MAP1S: variants seen among roughly 807,000 people sequenced by gnomAD.
MAP1S encodes the protein microtubule-associated protein 1S.
MAP1S carries 27 observed loss-of-function variants against 60.9 expected under a neutral mutation model. That is an observed-to-expected ratio of 0.44 (90% CI 0.33 to 0.61). The LOEUF is 0.61. Ranked by LOEUF, MAP1S falls within the 20% of genes least tolerant of loss-of-function variation. MAP1S has a pLI of 0.03. For missense variants in MAP1S, 1,608 were observed against 1,486.6 expected, an observed-to-expected ratio of 1.08 and a Z score of -1.34; for synonymous variants, 826 against 694.2, an observed-to-expected ratio of 1.19 and a Z score of -2.98.
intron 2 of MAP1S, among the ~76,000 whole-genome samples, chr19:17,723,678 G>A (rs1209157785): frequency 6.6e-6 from 1 of 152,126 alleles, no homozygotes; most frequent in Admixed American, 6.6e-5. Context: ...GTGAAACCCT[G>A]TCTCTACTAA....
At chr19:17,731,868 T>C (rs2080496140) in intron 5 of MAP1S, among the ~76,000 whole-genome samples, 1 of 152,170 alleles carries the variant, frequency 6.6e-6, no homozygotes, top group Non-Finnish European at 1.5e-5. Context: ...GGTTTCGCCA[T>C]GTTGGCTAGG....
chr19:17,720,333 A>G, intron 1 of MAP1S: 2 of 1,506,312 alleles, frequency 1.3e-6, no homozygotes. Flanking sequence ...CATGTGCTTG[A>G]GGAGTGTTTA....
intron 1 of MAP1S, chr19:17,720,052 T>G: frequency 1.0e-6 from 1 of 991,706 alleles, no homozygotes; most frequent in Non-Finnish European, 1.2e-6. Context: ...TGGGGGAGGC[T>G]GGGCCTGGAG....
At chr19:17,720,286 T>C in intron 1 of MAP1S, 11 of 1,423,946 alleles carry the variant, frequency 7.7e-6, no homozygotes, top group Non-Finnish European at 1.0e-5. Flanking sequence ...TGGCGTTTCA[T>C]TGCATGTAAA....
chr19:17,734,176 C>T (rs2080518072), intron 6 of MAP1S, 97 bp from the exon 7 acceptor site: 1 of 1,037,298 alleles, frequency 9.6e-7, no homozygotes, highest in Admixed American at 2.3e-5. Context: ...TCTCAAATGC[C>T]AGGAAAGGAA....
Position 17,719,523 on chromosome 19 carries a change from T to A in MAP1S, c.21T>A (p.Ser7=). ...CGAAGATGGCGGCGGTGGCTGGATC[T>A]GGGGCTGCCGCGGCTCCGAGCTCAC... MAAVAG[S]GAAAAPSSLL... is the part of the protein sequence containing the mutation. The change falls in exon 1 of 7, where the codon TCT becomes TCA. Residue 7 remains serine (S), a synonymous_variant. Transcript: ENST00000324096. 1 of 1,245,664 alleles carries A rather than the reference T, an allele frequency of 8.0e-7. No individual in the cohort carries two copies. Among genetic ancestry groups the A allele is most frequent in the Non-Finnish European group, 1.0e-6 (1 of 987,594 alleles). 77.2% of individuals were successfully genotyped at this position (1,245,664 alleles called of 1,614,324 possible). A position where few individuals can be genotyped will look rare whatever the true frequency, so the allele number is the denominator to read the frequency against.
rs968082213 is a variant in MAP1S at position 17,725,731 on chromosome 19, C to A, written c.445-98C>A. 30 of 1,259,376 alleles carry A rather than the reference C, an allele frequency of 2.4e-5. No individual in the cohort carries two copies. The highest frequency in any genetic ancestry group is 3.3e-5 in the Non-Finnish European group (30 of 913,684). 78.0% of individuals were successfully genotyped at this position (1,259,376 alleles called of 1,614,324 possible). On this transcript the variant is annotated intron_variant, in intron 4 of 6. Coordinates refer to ENST00000324096, the MANE Select transcript of MAP1S (RefSeq NM_018174.6). This position sits in a 1 kb window ranked among gnomAD's most constrained non-coding sequence, Gnocchi z 4.2. The stretch of plus-strand genomic sequence containing the variant: ...TGGCGGGAGGGCCCTGAGGAGCAGG[C>A]CCTGGGGGAAAGGATGAGGGTGTCC...
intron 2 of MAP1S, among the ~76,000 whole-genome samples, chr19:17,722,438 C>T (rs960836707): frequency 3.3e-5 from 5 of 149,986 alleles, no homozygotes; most frequent in South Asian, 4.3e-4. Flanking sequence ...GGCAACAGAG[C>T]GAGACCCTGT....
intron 2 of MAP1S, among the ~76,000 whole-genome samples, chr19:17,722,425 C>G (rs1009283458): frequency 1.3e-5 from 2 of 152,200 alleles, no homozygotes; most frequent in Admixed American, 6.6e-5. Flanking sequence ...GCACTTCAGC[C>G]TGGGCAACAG....
At chr19:17,731,974 T>C (rs1225679316) in intron 5 of MAP1S, among the ~76,000 whole-genome samples, 1 of 152,258 alleles carries the variant, frequency 6.6e-6, no homozygotes, top group African/African-American at 2.4e-5. Flanking sequence ...CAGGCCTGAT[T>C]TTTTACATTA....
chr19:17,727,741 C>T lies in MAP1S; in HGVS notation c.2357C>T (p.Ser786Leu), dbSNP rs748542748. ...GGGGCCGAGGAGACGCCACCCACATCGGTCAGCGAGTCCCTGCCCACCCTG... is the reference window on the plus strand; with the variant it reads ...GGGGCCGAGGAGACGCCACCCACATTGGTCAGCGAGTCCCTGCCCACCCTG... ...GLGAEETPPT[S>L]VSESLPTLSD... Residue 786 changes from serine to leucine, a missense_variant, in exon 5 of 7, where the codon TCG (serine) becomes TTG (leucine). By Grantham distance (145) the Ser-to-Leu change is moderately radical (BLOSUM62 -2). This residue lies in a region of MAP1S where 1,167 missense variants were observed against 961.4 expected (regional missense o/e 1.21). Transcript: ENST00000324096. This position sits in a 1 kb window ranked among gnomAD's most constrained non-coding sequence, Gnocchi z 4.1. The T allele has an allele frequency of 7.5e-6, 12 of 1,606,000 alleles. No individual in the cohort carries two copies. Among genetic ancestry groups the T allele is most frequent in the East Asian group, 4.5e-5 (2 of 44,482 alleles).
rs1261079642 is a variant in MAP1S at position 17,724,136 on chromosome 19, C to T, written c.231C>T (p.Ser77=). Reference sequence around the variant, plus strand: ...CTGATTCCCCCACAGGCCAGCGGAGCCTGCACCACCGTGGAGACAACCTGG... The same window carrying T: ...CTGATTCCCCCACAGGCCAGCGGAGTCTGCACCACCGTGGAGACAACCTGG... ...TFSSIVKGQR[S]LHHRGDNLET... is the part of the protein sequence containing the mutation. Residue 77 remains serine (S), a synonymous_variant, in exon 3 of 7, where the codon AGC becomes AGT. Coordinates refer to ENST00000324096, the MANE Select transcript of MAP1S (RefSeq NM_018174.6). The T allele has an allele frequency of 6.8e-6, 11 of 1,613,834 alleles. No individual in the cohort carries two copies. The highest frequency in any genetic ancestry group is 9.3e-6 in the Non-Finnish European group (11 of 1,179,912).
chr19:17,725,194 G>A lies in MAP1S; in HGVS notation c.444+5G>A. The A allele has an allele frequency of 6.2e-7, 1 of 1,607,366 alleles. No individual in the cohort carries two copies. The highest frequency in any genetic ancestry group is 1.1e-5 in the South Asian group (1 of 90,278). ...CAGGTCCTGAAGGACAGAGAGGTAAGCCACCCCTTTGCCATCCCCTGCTTC... is the reference window on the plus strand; with the variant it reads ...CAGGTCCTGAAGGACAGAGAGGTAAACCACCCCTTTGCCATCCCCTGCTTC... On this transcript the variant is annotated splice_donor_5th_base_variant and intron_variant, in intron 4 of 6. Coordinates refer to ENST00000324096, the MANE Select transcript of MAP1S (RefSeq NM_018174.6). The surrounding 1 kb of genome is among the most constrained non-coding windows in gnomAD (Gnocchi z 4.2).
intron 1 of MAP1S, chr19:17,720,629 A>G (rs1263689221): frequency 3.1e-6 from 3 of 962,242 alleles, no homozygotes; most frequent in Non-Finnish European, 4.5e-6. Flanking sequence ...AGGCAGGGGA[A>G]ACAGCTGTTG....
In MAP1S at chr19:17,727,444, G is replaced by A. The variant is rs760432989; in HGVS notation, c.2060G>A (p.Gly687Asp). 5.6e-6 allele frequency: 9 copies of A among 1,603,346 alleles called. No individual in the cohort carries two copies. The highest frequency in any genetic ancestry group is 7.7e-6 in the Non-Finnish European group (9 of 1,175,566). Reference protein sequence around the residue: ...VTTPSLPAEVGSPHSTEVDES... With the variant: ...VTTPSLPAEVDSPHSTEVDES... ...ACGCCCTCACTACCCGCAGAGGTGG[G>A]CTCCCCGCACTCGACCGAGGTGGAC... Residue 687 changes from glycine (G) to aspartate (D), a missense_variant, in exon 5 of 7, where the codon GGC becomes GAC. Physicochemically the swap from Gly to Asp is moderately conservative, Grantham distance 94 (BLOSUM62 -1). Transcript: ENST00000324096. This position sits in a 1 kb window ranked among gnomAD's most constrained non-coding sequence, Gnocchi z 4.1.
intron 2 of MAP1S, chr19:17,721,452 G>A (rs892597845): frequency 1.4e-5 from 4 of 291,074 alleles, no homozygotes; most frequent in South Asian, 2.9e-5. Flanking sequence ...CGCAGCGGGC[G>A]GATCACTTGA....
chr19:17,726,482 C>G lies in MAP1S; in HGVS notation c.1098C>G (p.Gly366=). The G allele has an allele frequency of 6.5e-7, 1 of 1,549,420 alleles. No homozygotes were observed. The highest frequency in any genetic ancestry group is 1.2e-5 in the South Asian group (1 of 85,016). The change falls in exon 5 of 7, where the codon GGC becomes GGG. Residue 366 remains glycine, a synonymous_variant. Transcript: ENST00000324096. ...CGCTGAGCCTCCTGGCGCAGCTGGG[C>G]ATCACGCCTCTGCCACTCAGCCGCG... ...ELALSLLAQL[G]ITPLPLSRGP...
rs769960847 is a variant in MAP1S, at chr19:17,727,919, C to T, written c.2535C>T (p.Pro845=). 2.2e-5 allele frequency: 36 copies of T among 1,611,298 alleles called. No individual in the cohort carries two copies. Among genetic ancestry groups the T allele is most frequent in the Middle Eastern group, 1.7e-4 (1 of 6,052 alleles). Residue 845 remains proline, a synonymous_variant, in exon 5 of 7, where the codon CCC becomes CCT. Coordinates refer to ENST00000324096, the MANE Select transcript of MAP1S (RefSeq NM_018174.6). The surrounding 1 kb of genome is among the most constrained non-coding windows in gnomAD (Gnocchi z 4.1). ...CATCCAGCATCTGCATGGTGGACCCCGAGATGCTGCCCCCCAAGACAGCAC... is the reference window on the plus strand; with the variant it reads ...CATCCAGCATCTGCATGGTGGACCCTGAGATGCTGCCCCCCAAGACAGCAC... The part of the protein sequence containing the change: ...PDPSSICMVD[P]EMLPPKTARQ...
chr19:17,720,698 TG>T, intron 1 of MAP1S: 1 of 621,084 alleles, frequency 1.6e-6, no homozygotes, highest in South Asian at 2.0e-5. Flanking sequence ...GAGGTGGAGA[TG>T]GAGGAGGTGG....
Sources: gnomAD v4.1 joint callset for allele counts (sites outside exome capture counted in the v4.1 genomes callset) on GRCh38, gnomAD v4.1.1 for gene constraint, gnomAD v4.1.1 regional missense constraint, Gnocchi (gnomAD v3.1) non-coding constraint, MANE v1.5 for transcripts, NCBI Gene and HGNC (gene_info 2026-07-23, HGNC 2026-07-21) for gene names.